The following DOT1L variants were observed in gnomAD, a reference collection of about 807,000 sequenced individuals.
DOT1L encodes DOT1 like histone lysine methyltransferase.
A neutral mutation model predicts 153.3 loss-of-function variants in DOT1L; 33 were observed. The ratio of observed to expected loss-of-function variants is 0.22; its 90% CI spans 0.16 to 0.29. DOT1L has a LOEUF of 0.29. DOT1L is among the 10% of genes least tolerant of loss of function. The probability of loss-of-function intolerance (pLI) is 1.00; values close to 1 mark genes in which losing one functional copy is unlikely to be tolerated. For synonymous variants in DOT1L, 1,135 were observed against 965.1 expected, an observed-to-expected ratio of 1.18 and a Z score of -3.26; for missense variants, 1,847 against 2,119.9, an observed-to-expected ratio of 0.87 and a Z score of 2.53.
At position 2,174,598 on chromosome 19, in the gene DOT1L, A is replaced by C. The variant is rs866209369; in HGVS notation, c.82-6115A>C. On this transcript the variant is annotated intron_variant, in intron 1 of 27. Transcript: ENST00000398665. ...CTACTTGGGAGGCTGAGGCAGGAGA[A>C]TCGCAAAAGCTAAGATAAATTTTGT... is the stretch of plus-strand genomic sequence containing the variant. Among the ~76,000 whole-genome samples, 53 of 152,174 alleles carry C rather than the reference A, an allele frequency of 3.5e-4. 1 individual carries two copies. The highest frequency in any genetic ancestry group is 1.2e-3 in the African/African-American group (50 of 41,436).
At chr19:2,219,588 T>C (rs984434523) in intron 22 of DOT1L, among the ~76,000 whole-genome samples, 1 of 152,220 alleles carries the variant, frequency 6.6e-6, no homozygotes, top group African/African-American at 2.4e-5. Flanking sequence ...TCCAGGTTTC[T>C]GTGTGGATGT....
At chr19:2,169,468 A>T (rs2020047114) in intron 1 of DOT1L, among the ~76,000 whole-genome samples, 1 of 152,104 alleles carries the variant, frequency 6.6e-6, no homozygotes, top group Non-Finnish European at 1.5e-5. Context: ...AACTCTGCAG[A>T]TGATACAGGG....
chr19:2,224,112 C>T (rs775784661), intron 25 of DOT1L, among the ~76,000 whole-genome samples: 32 of 152,212 alleles, frequency 2.1e-4, no homozygotes, highest in South Asian at 2.1e-4. Context: ...CTGAGCGTGA[C>T]GTCCTCAAGG....
rs2021929707 is a variant in DOT1L, at chr19:2,176,280, C to T, written c.82-4433C>T. ...ACCTCTGGACAGGAGGCAGTGCGAG[C>T]AAGAGGGGACAGGGGCAGTAACTCG... is the stretch of plus-strand genomic sequence containing the variant. On this transcript the variant is annotated intron_variant, in intron 1 of 27. Transcript: ENST00000398665. 2.6e-5 allele frequency among the ~76,000 whole-genome samples: 4 copies of T among 152,276 alleles called. No individual in the cohort carries two copies. In the South Asian group the frequency reaches 8.3e-4, roughly 32 times the overall value.
chr19:2,227,828 C>G, intron 27 of DOT1L: 1 of 1,294,920 alleles, frequency 7.7e-7, no homozygotes, highest in Non-Finnish European at 1.0e-6. Flanking sequence ...CCACACTGGG[C>G]CCGAGCCCGC....
At chr19:2,166,668 C>G (rs185735236) in intron 1 of DOT1L, among the ~76,000 whole-genome samples, 2 of 152,310 alleles carry the variant, frequency 1.3e-5, no homozygotes, top group Admixed American at 1.3e-4. Flanking sequence ...GCCTTGGCTT[C>G]CCAAAGTGCC....
In DOT1L at chr19:2,164,842, C is replaced by T. The variant is rs576724968; in HGVS notation, c.81+577C>T. On this transcript the variant is annotated intron_variant, in intron 1 of 27. Transcript: ENST00000398665. ...GTAATTTTGAGTGGGTATGGGCTGC[C>T]CTGGCCCTGGGAAATTAGGCATCTT... 2.6e-5 allele frequency among the ~76,000 whole-genome samples: 4 copies of T among 152,208 alleles called. No homozygotes were observed. The South Asian group carries it at 6.2e-4, about 24-fold the overall frequency.
Position 2,191,728 on chromosome 19 carries a change from T to C in DOT1L, c.493+488T>C, listed in dbSNP as rs1196842953. Among the ~76,000 whole-genome samples, 1 of 151,864 alleles carries C rather than the reference T, an allele frequency of 6.6e-6. No individual in the cohort carries two copies. The highest frequency in any genetic ancestry group is 2.4e-5 in the African/African-American group (1 of 41,350). ...CTCCCGGAGGCCCTCGCGCCCTCCC[T>C]GCATCCCCAGTCTCCCTCGGCACCC... On this transcript the variant is annotated intron_variant, in intron 5 of 27. Transcript: ENST00000398665. The surrounding 1 kb of genome is among the most constrained non-coding windows in gnomAD (Gnocchi z 6.8).
Position 2,193,553 on chromosome 19 carries a change from G to C in DOT1L, c.494-136G>C. The stretch of plus-strand genomic sequence containing the variant: ...GATCCTGAGTGACCTTGGAGCATCG[G>C]ATATGTGTGGAGACTGTGGCCTCCC... On this transcript the variant is annotated intron_variant, in intron 5 of 27. Transcript: ENST00000398665. This position sits in a 1 kb window ranked among gnomAD's most constrained non-coding sequence, Gnocchi z 5.9. 8.5e-6 allele frequency: 6 copies of C among 709,422 alleles called. No homozygotes were observed. The South Asian group carries it at 1.1e-4, about 13-fold the overall frequency. The allele number at this position is 709,422 out of a possible 1,614,324, so 43.9% of individuals were successfully genotyped here.
chr19:2,209,729 G>A (rs1393846327), intron 12 of DOT1L, among the ~76,000 whole-genome samples: 1 of 152,258 alleles, frequency 6.6e-6, no homozygotes, highest in East Asian at 1.9e-4. Context: ...TCCTTTTGGA[G>A]GGGGTCAGAC....
Position 2,164,218 on chromosome 19 carries a change from C to G in DOT1L, c.34C>G (p.Pro12Ala). 7.8e-7 allele frequency: 1 copy of G among 1,285,656 alleles called. No homozygotes were observed. The allele number at this position is 1,285,656 out of a possible 1,614,324, so 79.6% of individuals were successfully genotyped here. A position where few individuals can be genotyped will look rare whatever the true frequency, so the allele number is the denominator to read the frequency against. ...GEKLELRLKS[P>A]VGAEPAVYPW... ...GAAGCTGGAGCTGAGACTGAAGTCG[C>G]CCGTGGGGGCTGAGCCCGCCGTCTA... Residue 12 changes from proline to alanine, a missense_variant, in exon 1 of 28, where the codon CCC becomes GCC. Around this residue, in one of 8 missense-constraint regions of DOT1L, gnomAD observed 37 missense variants for 31.0 expected, o/e 1.19. Transcript: ENST00000398665.
In DOT1L at chr19:2,210,312, C is replaced by T. The variant is rs879821379; in HGVS notation, c.1006-88C>T. The T allele has an allele frequency of 4.1e-5, 50 of 1,223,022 alleles. No homozygotes were observed. The African/African-American group carries it at 7.0e-4, about 17-fold the overall frequency. The allele number at this position is 1,223,022 out of a possible 1,614,324, so 75.8% of individuals were successfully genotyped here. A position where few individuals can be genotyped will look rare whatever the true frequency, so the allele number is the denominator to read the frequency against. On this transcript the variant is annotated intron_variant, in intron 12 of 27. Coordinates refer to ENST00000398665, the MANE Select transcript of DOT1L (RefSeq NM_032482.3). ...TGGACAGAGTTGGGCCCGTGGCCCC[C>T]TTGAGTCTGAGCTCCGCGTGCCTCT...
intron 15 of DOT1L, among the ~76,000 whole-genome samples, chr19:2,211,540 G>A (rs1236765558): frequency 1.3e-5 from 2 of 152,236 alleles, no homozygotes; most frequent in Non-Finnish European, 2.9e-5. Flanking sequence ...GCCCCACGCG[G>A]TGAACACTTG....
chr19:2,190,909 C>T lies in DOT1L; in HGVS notation c.265-103C>T. 2 of 1,127,958 alleles carry T rather than the reference C, an allele frequency of 1.8e-6. No individual in the cohort carries two copies. Among genetic ancestry groups the T allele is most frequent in the Non-Finnish European group, 2.5e-6 (2 of 796,420 alleles). The allele number at this position is 1,127,958 out of a possible 1,614,324, so 69.9% of individuals were successfully genotyped here. A position where few individuals can be genotyped will look rare whatever the true frequency, so the allele number is the denominator to read the frequency against. On this transcript the variant is annotated intron_variant, in intron 4 of 27. Transcript: ENST00000398665. The surrounding 1 kb of genome is among the most constrained non-coding windows in gnomAD (Gnocchi z 4.8). ...CCCTGCAGGGGGACGAGAGGCCATG[C>T]AGCCGACTCCCTGCTTCCGCTGGGA...
At chr19:2,219,113 C>T (rs997478605) in intron 22 of DOT1L, among the ~76,000 whole-genome samples, 2 of 152,208 alleles carry the variant, frequency 1.3e-5, no homozygotes, top group African/African-American at 4.8e-5. Flanking sequence ...CTCAGGTGAT[C>T]TGCCCACCTC....
chr19:2,206,718 C>G lies in DOT1L; in HGVS notation c.788-11C>G, dbSNP rs763128974. The G allele has an allele frequency of 1.2e-6, 2 of 1,613,726 alleles. No homozygotes were observed. The highest frequency in any genetic ancestry group is 2.2e-5 in the South Asian group (2 of 91,052). On this transcript the variant is annotated splice_polypyrimidine_tract_variant and intron_variant, in intron 9 of 27. Transcript: ENST00000398665. ...TCTCCTGTGTGGCAGTAAGCAGTGT[C>G]TGTGTTTCAGGTGGCAGAATCGTGT...
At chr19:2,176,732 C>T (rs534877219) in intron 1 of DOT1L, among the ~76,000 whole-genome samples, 1 of 152,360 alleles carries the variant, frequency 6.6e-6, no homozygotes, top group South Asian at 2.1e-4. Context: ...AGACATGCAG[C>T]TCCCGCGGCC....
At chr19:2,209,486 CAT>C (rs1169118723) in intron 12 of DOT1L, among the ~76,000 whole-genome samples, 6 of 152,234 alleles carry the variant, frequency 3.9e-5, no homozygotes, top group South Asian at 2.1e-4. Flanking sequence ...GGGGGCCACA[CAT>C]GTGCGCTTGT....
At position 2,189,724 on chromosome 19, in the gene DOT1L, T is replaced by A. The variant is rs888708392; in HGVS notation, c.201-8T>A. On this transcript the variant is annotated splice_polypyrimidine_tract_variant and splice_region_variant and intron_variant, in intron 3 of 27. Transcript: ENST00000398665. ...CGCATGACCAGGGCCTTCCCTTGCC[T>A]TTTTCAGCTTCGAGAGCATGCAGAG... 4.3e-6 allele frequency: 7 copies of A among 1,609,564 alleles called. No homozygotes were observed. The Admixed American group carries it at 1.2e-4, about 27-fold the overall frequency.
Sources: gnomAD v4.1 joint callset for allele counts (sites outside exome capture counted in the v4.1 genomes callset) on GRCh38, gnomAD v4.1.1 for gene constraint, gnomAD v4.1.1 regional missense constraint, Gnocchi (gnomAD v3.1) non-coding constraint, MANE v1.5 for transcripts, NCBI Gene and HGNC (gene_info 2026-07-23, HGNC 2026-07-21) for gene names.